The following UGGT2 variants were observed in gnomAD, a reference collection of about 807,000 sequenced individuals.
The protein encoded by UGGT2 is UDP-glucose:glycoprotein glucosyltransferase 2.
A neutral mutation model predicts 192.1 loss-of-function variants in UGGT2; 180 were observed. That is an observed-to-expected ratio of 0.94 (90% CI 0.83 to 1.06). UGGT2 has a LOEUF of 1.06. Ranked by LOEUF, UGGT2 falls within the 50% of genes least tolerant of loss-of-function variation. The probability of loss-of-function intolerance (pLI) is 0.00; values close to 1 mark genes in which losing one functional copy is unlikely to be tolerated. For synonymous variants in UGGT2, 580 were observed against 591.0 expected, an observed-to-expected ratio of 0.98 and a Z score of 0.27; for missense variants, 1,849 against 1,795.7, an observed-to-expected ratio of 1.03 and a Z score of -0.54.
At chr13:95,893,844 A>C (rs1594252607) in intron 24 of UGGT2, among the ~76,000 whole-genome samples, 1 of 152,332 alleles carries the variant, frequency 6.6e-6, no homozygotes, top group South Asian at 2.1e-4. Context: ...ATAGTGATTA[A>C]ACAGCCTTTT....
chr13:95,821,701 G>C (rs189354289), intron 38 of UGGT2, among the ~76,000 whole-genome samples: 40 of 151,546 alleles, frequency 2.6e-4, no homozygotes, highest in Admixed American at 7.9e-4. Flanking sequence ...TATGGTTACA[G>C]ATTTAAGTCT....
At chr13:96,008,861 C>G (rs979967357) in intron 5 of UGGT2, among the ~76,000 whole-genome samples, 1 of 152,144 alleles carries the variant, frequency 6.6e-6, no homozygotes, top group Non-Finnish European at 1.5e-5. Context: ...ACATTCTTCA[C>G]AGAATTAGAG....
At chr13:95,976,226 C>T (rs953263561) in intron 10 of UGGT2, among the ~76,000 whole-genome samples, 11 of 152,054 alleles carry the variant, frequency 7.2e-5, no homozygotes, top group Admixed American at 6.6e-4. Context: ...ACATAATGTC[C>T]TCTATTGTTG....
chr13:96,026,520 T>C (rs1354360471), intron 2 of UGGT2, among the ~76,000 whole-genome samples: 1 of 151,988 alleles, frequency 6.6e-6, no homozygotes, highest in Non-Finnish European at 1.5e-5. Context: ...ACTCCTGGCA[T>C]ACAAAATAGA....
intron 34 of UGGT2, among the ~76,000 whole-genome samples, chr13:95,855,497 G>GTTTTT (rs555723276): frequency 8.0e-6 from 1 of 124,568 alleles, no homozygotes. Flanking sequence ...GGCCTTGGGT[G>GTTTTT]TTTTTTTTTT....
At position 95,856,193 on chromosome 13, in the gene UGGT2, C is replaced by G. The variant is rs747308176; in HGVS notation, c.3973G>C (p.Ala1325Pro). The change falls in exon 34 of 39, where the codon GCA becomes CCA. Residue 1325 changes from alanine (A) to proline (P), a missense_variant. Coordinates refer to ENST00000376747, the MANE Select transcript of UGGT2 (RefSeq NM_020121.4). ...ILFLDVLFPL[A>P]VDKIIFVDAD... is the part of the protein sequence containing the mutation. ...TCAACAAAAATGATTTTGTCCACTG[C>G]TAGTGGGAAAAGAACATCAAGGAAA... is the stretch of plus-strand genomic sequence containing the variant. The G allele has an allele frequency of 5.0e-6, 8 of 1,613,112 alleles. No homozygotes were observed. The African/African-American group carries it at 1.1e-4, about 22-fold the overall frequency.
chr13:96,005,112 A>G (rs1484829421), intron 5 of UGGT2, among the ~76,000 whole-genome samples: 2 of 152,204 alleles, frequency 1.3e-5, no homozygotes, highest in Non-Finnish European at 2.9e-5. Flanking sequence ...TTAGCTGTCA[A>G]TTCTGGGTAG....
At chr13:95,806,880 T>C (rs1392595242) in intron 38 of UGGT2, among the ~76,000 whole-genome samples, 1 of 152,000 alleles carries the variant, frequency 6.6e-6, no homozygotes, top group Non-Finnish European at 1.5e-5. Context: ...TATTTAAAAA[T>C]TAAAGATAGA....
intron 25 of UGGT2, among the ~76,000 whole-genome samples, chr13:95,889,316 T>G (rs2047734567): frequency 6.6e-6 from 1 of 152,194 alleles, no homozygotes; most frequent in African/African-American, 2.4e-5. Context: ...AGCTATGGTT[T>G]GTCCTACTCG....
chr13:96,049,025 A>C (rs1361316048), intron 1 of UGGT2, among the ~76,000 whole-genome samples: 1 of 152,186 alleles, frequency 6.6e-6, no homozygotes, highest in African/African-American at 2.4e-5. Context: ...CAGAGACACA[A>C]CAAAAAAAGA....
rs757597342 is a variant in UGGT2, at chr13:95,996,087, T to C, written c.806A>G (p.Gln269Arg). 7 of 1,613,676 alleles carry C rather than the reference T, an allele frequency of 4.3e-6. No homozygotes were observed. Among genetic ancestry groups the C allele is most frequent in the Non-Finnish European group, 5.1e-6 (6 of 1,179,852 alleles). Residue 269 changes from glutamine (Q) to arginine (R), a missense_variant, in exon 7 of 39, where the codon CAA (glutamine) becomes CGA (arginine). Physicochemically the swap from Gln to Arg is conservative, Grantham distance 43. Transcript: ENST00000376747. Reference sequence around the variant, plus strand: ...CTTTAGTTTCCCAAAGAGAAATCCTTGAACTTCATTTGTTTCAGTCTCATC... The same window carrying C: ...CTTTAGTTTCCCAAAGAGAAATCCTCGAACTTCATTTGTTTCAGTCTCATC... ...VEDETETNEV[Q>R]GFLFGKLKEI...
chr13:95,961,361 A>T lies in UGGT2; in HGVS notation c.1335+8751T>A, dbSNP rs937899671. Among the ~76,000 whole-genome samples, 5 of 152,302 alleles carry T rather than the reference A, an allele frequency of 3.3e-5. No individual in the cohort carries two copies. In the East Asian group the frequency reaches 9.7e-4, roughly 29 times the overall value. ...TCCATACACTGCCTTAAAGAAACTC[A>T]TCTCACTTGTAAAGAGATATATAAA... On this transcript the variant is annotated intron_variant, in intron 12 of 38. Coordinates refer to ENST00000376747, the MANE Select transcript of UGGT2 (RefSeq NM_020121.4).
chr13:95,922,635 G>A (rs1463346779), intron 20 of UGGT2, among the ~76,000 whole-genome samples: 1 of 146,360 alleles, frequency 6.8e-6, no homozygotes, highest in Non-Finnish European at 1.5e-5. Context: ...CAGCCTGGAT[G>A]ACATGGCAAA....
intron 29 of UGGT2, among the ~76,000 whole-genome samples, chr13:95,869,000 A>C (rs1334671090): frequency 6.6e-6 from 1 of 151,224 alleles, no homozygotes; most frequent in Non-Finnish European, 1.5e-5. Context: ...TCTTCATTTA[A>C]CATTAGGTAT....
At chr13:95,950,756 T>C (rs2050035677) in intron 12 of UGGT2, among the ~76,000 whole-genome samples, 1 of 151,930 alleles carries the variant, frequency 6.6e-6, no homozygotes, top group South Asian at 2.1e-4. Context: ...TTAAGGTTTT[T>C]AAAATATAAT....
intron 36 of UGGT2, among the ~76,000 whole-genome samples, chr13:95,850,414 T>G (rs975947596): frequency 6.6e-6 from 1 of 152,180 alleles, no homozygotes; most frequent in African/African-American, 2.4e-5. Flanking sequence ...TGTTAGGACC[T>G]TTGGATACTT....
chr13:95,991,357 C>T (rs1267177858), intron 7 of UGGT2: 4 of 393,974 alleles, frequency 1.0e-5, no homozygotes, highest in African/African-American at 2.1e-5. Context: ...TAAAAGCCTT[C>T]CTATTTCTCC....
Position 95,937,072 on chromosome 13 carries a change from T to C in UGGT2, c.1829A>G (p.Tyr610Cys). The change falls in exon 17 of 39, where the codon TAT becomes TGT. Residue 610 changes from tyrosine (Y) to cysteine (C), a missense_variant. Transcript: ENST00000376747. ...DEERKAGASF[Y>C]KMTGLGPLPQ... The stretch of plus-strand genomic sequence containing the variant: ...CAAAGGACCCAGGCCAGTCATCTTA[T>C]AAAAGCTTGCTCCAGCCTATTCAGT... The C allele has an allele frequency of 1.9e-6, 3 of 1,598,110 alleles. No individual in the cohort carries two copies. Among genetic ancestry groups the C allele is most frequent in the Non-Finnish European group, 1.7e-6 (2 of 1,176,556 alleles).
chr13:95,819,791 A>G (rs1208959967), intron 38 of UGGT2, among the ~76,000 whole-genome samples: 1 of 152,226 alleles, frequency 6.6e-6, no homozygotes, highest in Non-Finnish European at 1.5e-5. Context: ...AAGGGGTAGA[A>G]TCAACTAAAA....
Sources: allele counts gnomAD v4.1 joint callset (sites outside exome capture counted in the v4.1 genomes callset), GRCh38; gene constraint gnomAD v4.1.1; transcripts MANE v1.5; gene names NCBI Gene and HGNC (gene_info 2026-07-23, HGNC 2026-07-21).